The following OGDH variants were observed in gnomAD, a reference collection of about 807,000 sequenced individuals.
The protein encoded by OGDH is oxoglutarate dehydrogenase.
OGDH carries 38 observed loss-of-function variants against 116.6 expected under a neutral mutation model. The observed-to-expected ratio is 0.33, with a 90% CI of 0.25 to 0.43. OGDH has a LOEUF of 0.43. Among genes scored for constraint, OGDH ranks in the 20% least tolerant of loss-of-function variants. The pLI, the probability that OGDH is intolerant of heterozygous loss-of-function variation, is 1.00. For synonymous variants in OGDH, 488 were observed against 533.3 expected (o/e 0.92, Z 1.17); for missense variants, 825 against 1,357.2 (o/e 0.61, Z 6.16).
At position 44,697,865 on chromosome 7, in the gene OGDH, G is replaced by A; in HGVS notation, c.2358+83G>A. 1 of 1,477,188 alleles carries A rather than the reference G, an allele frequency of 6.8e-7. No individual in the cohort carries two copies. The allele number at this position is 1,477,188 out of a possible 1,614,324, so 91.5% of individuals were successfully genotyped here. A position where few individuals can be genotyped will look rare whatever the true frequency, so the allele number is the denominator to read the frequency against. On this transcript the variant is annotated intron_variant, in intron 17 of 22. Transcript: ENST00000222673. The surrounding 1 kb of genome is among the most constrained non-coding windows in gnomAD (Gnocchi z 6.0). ...CCTGACCCCAAAGACTGGCACGAGA[G>A]CCAGTGGCTCACACCAGCCTCCTAA...
intron 2 of OGDH, among the ~76,000 whole-genome samples, chr7:44,629,703 C>G (rs1490781377): frequency 2.6e-5 from 4 of 151,712 alleles, no homozygotes; most frequent in Non-Finnish European, 5.9e-5. Context: ...CCTCAGTCTC[C>G]CAGCTAGCTG....
chr7:44,644,651 C>T (rs1378182047), intron 2 of OGDH, among the ~76,000 whole-genome samples: 2 of 152,214 alleles, frequency 1.3e-5, no homozygotes, highest in African/African-American at 4.8e-5. Flanking sequence ...GAATTTCCAT[C>T]TCTGACCCCA....
At chr7:44,650,873 T>G (rs1267162829) in intron 4 of OGDH, among the ~76,000 whole-genome samples, 3 of 152,196 alleles carry the variant, frequency 2.0e-5, no homozygotes, top group Admixed American at 2.0e-4. Flanking sequence ...CTGTGTCACA[T>G]GACTATTTCC....
chr7:44,633,200 C>T (rs1053921379), intron 2 of OGDH, among the ~76,000 whole-genome samples: 8 of 140,662 alleles, frequency 5.7e-5, no homozygotes, highest in African/African-American at 2.1e-4. Flanking sequence ...TTTTAGTGAG[C>T]CAAGATTGAG....
At chr7:44,637,529 G>A (rs1005706562) in intron 2 of OGDH, among the ~76,000 whole-genome samples, 13 of 152,174 alleles carry the variant, frequency 8.5e-5, no homozygotes, top group African/African-American at 2.9e-4. Flanking sequence ...GTATTCATTG[G>A]CTCAGCATCG....
At chr7:44,621,377 A>G (rs1216408993) in intron 1 of OGDH, among the ~76,000 whole-genome samples, 1 of 152,190 alleles carries the variant, frequency 6.6e-6, no homozygotes, top group Non-Finnish European at 1.5e-5. Context: ...CTTGGCTTTT[A>G]ATATCTTCTT....
In OGDH at chr7:44,697,699, G is replaced by A. The variant is rs1788648030; in HGVS notation, c.2275G>A (p.Asp759Asn). ...DFHNTAQCII[D>N]QFICPGQAKW... Reference sequence around the variant, plus strand: ...CCACAACACGGCCCAGTGTATCATCGACCAGTTCATCTGCCCGGGACAAGC... The same window carrying A: ...CCACAACACGGCCCAGTGTATCATCAACCAGTTCATCTGCCCGGGACAAGC... The change falls in exon 17 of 23, where the codon GAC (aspartate) becomes AAC (asparagine). Residue 759 changes from aspartate (D) to asparagine (N), a missense_variant. Around this residue, in one of 7 missense-constraint regions of OGDH, gnomAD observed 73 missense variants for 182.3 expected, o/e 0.40. Coordinates refer to ENST00000222673, the MANE Select transcript of OGDH (RefSeq NM_002541.4). This position sits in a 1 kb window ranked among gnomAD's most constrained non-coding sequence, Gnocchi z 6.0. 6.2e-7 allele frequency: 1 copy of A among 1,614,206 alleles called. No individual in the cohort carries two copies. Among genetic ancestry groups the A allele is most frequent in the Non-Finnish European group, 8.5e-7 (1 of 1,180,048 alleles).
intron 20 of OGDH, among the ~76,000 whole-genome samples, chr7:44,703,427 AAG>A (rs1271636428): frequency 6.7e-6 from 1 of 149,974 alleles, no homozygotes; most frequent in African/African-American, 2.5e-5. Context: ...CAAAACAAAA[AAG>A]ACTGAATAGG....
rs769110636 is a variant in OGDH, at chr7:44,647,805, C to T, written c.517+46C>T. 8 of 1,447,688 alleles carry T rather than the reference C, an allele frequency of 5.5e-6. 1 individual carries two copies. In the South Asian group the frequency reaches 8.0e-5, roughly 14 times the overall value. 89.7% of individuals were successfully genotyped at this position (1,447,688 alleles called of 1,614,324 possible). On this transcript the variant is annotated intron_variant, in intron 4 of 22. Coordinates refer to ENST00000222673, the MANE Select transcript of OGDH (RefSeq NM_002541.4). ...AGCTGCGTTGCTTGAGCTCCTCTCG[C>T]TGTGCCACGACCTGTGGTAGCCAGG...
chr7:44,642,781 G>A (rs1000285098), intron 2 of OGDH, among the ~76,000 whole-genome samples: 1 of 151,984 alleles, frequency 6.6e-6, no homozygotes, highest in African/African-American at 2.4e-5. Context: ...AATTAGCTGG[G>A]CATGGTGGCA....
At position 44,623,338 on chromosome 7, in the gene OGDH, C is replaced by G. The variant is rs527907079; in HGVS notation, c.-27-979C>G. Among the ~76,000 whole-genome samples the G allele has an allele frequency of 1.8e-4, 28 of 152,276 alleles. No homozygotes were observed. In the South Asian group the frequency reaches 2.9e-3, roughly 16 times the overall value. ...GTCTGCTGGCATATTCTGCACCTCTCAAGTACTCATATTTCCTCTGCAATC... is the reference window on the plus strand; with the variant it reads ...GTCTGCTGGCATATTCTGCACCTCTGAAGTACTCATATTTCCTCTGCAATC... On this transcript the variant is annotated intron_variant, in intron 1 of 22. Transcript: ENST00000222673.
In OGDH at chr7:44,697,550, G is replaced by A. The variant is rs1158105827; in HGVS notation, c.2179+53G>A. Reference sequence around the variant, plus strand: ...GCCTGTCACCCACCCACCCCCGCTGGGCCTACTGGCTGGTGTCCTGGACAT... The same window carrying A: ...GCCTGTCACCCACCCACCCCCGCTGAGCCTACTGGCTGGTGTCCTGGACAT... On this transcript the variant is annotated intron_variant, in intron 16 of 22. Transcript: ENST00000222673. The surrounding 1 kb of genome is among the most constrained non-coding windows in gnomAD (Gnocchi z 6.0). 5.0e-6 allele frequency: 8 copies of A among 1,613,570 alleles called. No individual in the cohort carries two copies. Among genetic ancestry groups the A allele is most frequent in the East Asian group, 4.5e-5 (2 of 44,872 alleles).
In OGDH at chr7:44,660,797, G is replaced by A. The variant is rs114925642; in HGVS notation, c.518-5939G>A. On this transcript the variant is annotated intron_variant, in intron 4 of 22. Coordinates refer to ENST00000222673, the MANE Select transcript of OGDH (RefSeq NM_002541.4). ...AACAAAATTAGCCAAGCATGATCGC[G>A]CGTGCCTGTAGTCCTAGCCACTCAG... Among the ~76,000 whole-genome samples, 221 of 152,154 alleles carry A rather than the reference G, an allele frequency of 1.5e-3. 1 individual carries two copies. The highest frequency in any genetic ancestry group is 5.0e-3 in the African/African-American group (207 of 41,484).
intron 10 of OGDH, among the ~76,000 whole-genome samples, chr7:44,691,802 C>A (rs541175999): frequency 6.6e-6 from 1 of 151,236 alleles, no homozygotes; most frequent in South Asian, 2.1e-4. Context: ...CCATGAAACC[C>A]CATCTCTACT....
chr7:44,638,278 T>C (rs1785764785), intron 2 of OGDH, among the ~76,000 whole-genome samples: 1 of 152,136 alleles, frequency 6.6e-6, no homozygotes, highest in African/African-American at 2.4e-5. Flanking sequence ...ACGTACGTCA[T>C]TGTGACTCAG....
At chr7:44,657,691 A>G (rs1379729601) in intron 4 of OGDH, among the ~76,000 whole-genome samples, 1 of 152,210 alleles carries the variant, frequency 6.6e-6, no homozygotes, top group Non-Finnish European at 1.5e-5. Flanking sequence ...TATGAAGTCT[A>G]AGAACTCTTT....
chr7:44,617,875 T>TTA lies in OGDH; in HGVS notation c.-27-6442_-27-6441insTA, dbSNP rs1377394171. Among the ~76,000 whole-genome samples the TTA allele has an allele frequency of 5.9e-4, 90 of 152,290 alleles. 1 individual carries two copies. The highest frequency in any genetic ancestry group is 2.1e-3 in the African/African-American group (86 of 41,552). On this transcript the variant is annotated intron_variant, in intron 1 of 22. Coordinates refer to ENST00000222673, the MANE Select transcript of OGDH (RefSeq NM_002541.4). The stretch of plus-strand genomic sequence containing the variant: ...TTTTTGCTAGGTCTTGCCTTTTTAA[T>TTA]CACCCCCCTACCTAGCCAATGTCAT...
intron 9 of OGDH, among the ~76,000 whole-genome samples, chr7:44,680,967 A>G (rs1787905977): frequency 6.6e-6 from 1 of 152,226 alleles, no homozygotes; most frequent in Admixed American, 6.5e-5. Flanking sequence ...AGTACATACT[A>G]ACACGAGTAA....
intron 1 of OGDH, among the ~76,000 whole-genome samples, chr7:44,614,143 A>T (rs908888736): frequency 6.6e-6 from 1 of 150,464 alleles, no homozygotes; most frequent in South Asian, 2.1e-4. Context: ...TTGTAGATAT[A>T]GGGTCTTGCT....
Sources: allele counts gnomAD v4.1 joint callset (sites outside exome capture counted in the v4.1 genomes callset), GRCh38; gene constraint gnomAD v4.1.1; regional missense constraint gnomAD v4.1.1; non-coding constraint Gnocchi (gnomAD v3.1); transcripts MANE v1.5; gene names NCBI Gene and HGNC (gene_info 2026-07-23, HGNC 2026-07-21).